Variants in AHDC1 observed in about 807,000 individuals in gnomAD.
The protein encoded by AHDC1 is transcription factor Gibbin.
In AHDC1, 7 loss-of-function variants were observed where a neutral mutation model predicts 87.9. That is an observed-to-expected ratio of 0.08 (90% confidence interval 0.05 to 0.15). The LOEUF (loss-of-function observed/expected upper bound fraction) is 0.15. Ranked by LOEUF, AHDC1 falls within the 10% of genes least tolerant of loss-of-function variation. The pLI is 1.00. For synonymous variants in AHDC1, 1,051 were observed against 1,006.8 expected (o/e 1.04, Z -0.83); for missense variants, 1,841 against 2,253.2 (o/e 0.82, Z 3.70).
chr1:27,551,300 C>A lies in AHDC1; in HGVS notation c.816G>T (p.Glu272Asp). 6.2e-7 allele frequency: 1 copy of A among 1,611,638 alleles called. No individual in the cohort carries two copies. The highest frequency in any genetic ancestry group is 1.1e-5 in the South Asian group (1 of 91,010). Residue 272 changes from glutamate (E) to aspartate (D), a missense_variant, in exon 8 of 9, where the codon GAG becomes GAT. By Grantham distance (45) the Glu-to-Asp change is conservative. Around this residue, in one of 13 missense-constraint regions of AHDC1, gnomAD observed 370 missense variants for 391.5 expected, o/e 0.95. Transcript: ENST00000673934. The part of the protein sequence containing the change: ...QALEPPSPEP[E>D]PQLLDPQPRF... ...GGGGCTGGGGGTCCAGGAGCTGAGGCTCCGGCTCGGGCGATGGTGGCTCGA... is the reference window on the plus strand; with the variant it reads ...GGGGCTGGGGGTCCAGGAGCTGAGGATCCGGCTCGGGCGATGGTGGCTCGA...
At chr1:27,591,735 T>C (rs2089228958) in intron 3 of AHDC1, among the ~76,000 whole-genome samples, 1 of 152,230 alleles carries the variant, frequency 6.6e-6, no homozygotes, top group Admixed American at 6.5e-5. Flanking sequence ...ATGCCCTAGC[T>C]GCACCAGTAA....
In AHDC1 at chr1:27,550,238, G is replaced by A. The variant is rs1456166256; in HGVS notation, c.1878C>T (p.Ser626=). Residue 626 remains serine, a synonymous_variant, in exon 8 of 9, where the codon AGC becomes AGT. Coordinates refer to ENST00000673934, the MANE Select transcript of AHDC1 (RefSeq NM_001371928.1). Reference sequence around the variant, plus strand: ...GCGGTGAGCACCGTCCAGCGCACTGGCTCTGGCGGTTCAGGAAGGCCAGCT... The same window carrying A: ...GCGGTGAGCACCGTCCAGCGCACTGACTCTGGCGGTTCAGGAAGGCCAGCT... ...LAKLAFLNRQ[S]QCAGRCSPPR... The A allele has an allele frequency of 1.5e-5, 25 of 1,613,658 alleles. No individual in the cohort carries two copies. The highest frequency in any genetic ancestry group is 2.0e-5 in the Non-Finnish European group (24 of 1,179,992).
Position 27,551,194 on chromosome 1 carries a change from C to T in AHDC1, c.922G>A (p.Gly308Arg). 6.2e-7 allele frequency: 1 copy of T among 1,610,344 alleles called. No homozygotes were observed. Among genetic ancestry groups the T allele is most frequent in the Non-Finnish European group, 8.5e-7 (1 of 1,179,428 alleles). Residue 308 changes from glycine (G) to arginine (R), a missense_variant, in exon 8 of 9, where the codon GGG becomes AGG. Transcript: ENST00000673934. ...PPLQPLADPLGLPGLALQALD... is the reference protein window; with the variant it reads ...PPLQPLADPLRLPGLALQALD... ...GCCTGGAGAGCCAGGCCCGGCAGCC[C>T]CAGAGGATCAGCAAGAGGTTGCAGG...
At position 27,551,962 on chromosome 1, in the gene AHDC1, A is replaced by G; in HGVS notation, c.154T>C (p.Phe52Leu). ...TTCTCGGAGAAGGCGTGGGTGGAGA[A>G]GGCCTTGTCAGGTGGGCTGGCAGGG... is the stretch of plus-strand genomic sequence containing the variant. Reference protein sequence around the residue: ...RPPASPPDKAFSTHAFSENPR... With the variant: ...RPPASPPDKALSTHAFSENPR... Residue 52 changes from phenylalanine (F) to leucine (L), a missense_variant, in exon 8 of 9, where the codon TTC becomes CTC. By Grantham distance (22) the Phe-to-Leu change is conservative. Coordinates refer to ENST00000673934, the MANE Select transcript of AHDC1 (RefSeq NM_001371928.1). 1 of 1,123,376 alleles carries G rather than the reference A, an allele frequency of 8.9e-7. No individual in the cohort carries two copies. Among genetic ancestry groups the G allele is most frequent in the Non-Finnish European group, 1.1e-6 (1 of 902,882 alleles). The allele number at this position is 1,123,376 out of a possible 1,614,324, so 69.6% of individuals were successfully genotyped here.
At chr1:27,538,551 A>G (rs1024601316) in intron 8 of AHDC1, among the ~76,000 whole-genome samples, 8 of 150,110 alleles carry the variant, frequency 5.3e-5, no homozygotes, top group African/African-American at 1.7e-4. Flanking sequence ...TTCTCACTCT[A>G]TCACCCAGGC....
chr1:27,559,869 T>C (rs1287702102), intron 3 of AHDC1, among the ~76,000 whole-genome samples: 4 of 152,342 alleles, frequency 2.6e-5, no homozygotes, highest in Admixed American at 1.3e-4. Flanking sequence ...TTATAGGTTC[T>C]GGTTGCCTGG....
rs575850241 is a variant in AHDC1 at position 27,550,575 on chromosome 1, G to A, written c.1541C>T (p.Ser514Leu). 1.5e-5 allele frequency: 24 copies of A among 1,613,676 alleles called. No individual in the cohort carries two copies. The East Asian group carries it at 2.2e-4, about 15-fold the overall frequency. The change falls in exon 8 of 9, where the codon TCG becomes TTG. Residue 514 changes from serine (S) to leucine (L), a missense_variant. By Grantham distance (145) the Ser-to-Leu change is moderately radical. Around this residue, in one of 13 missense-constraint regions of AHDC1, gnomAD observed 18 missense variants for 18.0 expected, o/e 1.00. Coordinates refer to ENST00000673934, the MANE Select transcript of AHDC1 (RefSeq NM_001371928.1). ...CTTCAGCAGCGGGGTGGGCTCAGCC[G>A]ACACGCGCAGGCCCAGCTCCTTGCC... ...VEGKELGLRV[S>L]AEPTPLLKMK... is the part of the protein sequence containing the mutation.
At chr1:27,599,944 C>T (rs908636455) in intron 3 of AHDC1, among the ~76,000 whole-genome samples, 2 of 151,982 alleles carry the variant, frequency 1.3e-5, no homozygotes, top group Non-Finnish European at 2.9e-5. Context: ...ATCTGCTTGT[C>T]TCTCCTCCAA....
chr1:27,595,878 G>C lies in AHDC1; in HGVS notation c.-629+7519C>G, dbSNP rs1004577946. ...TGTGCATGTGAGGTAGCTGGATGTC[G>C]GGGGGTATCTGTATGTAGAGTGTGT... On this transcript the variant is annotated intron_variant, in intron 3 of 8. Transcript: ENST00000673934. The surrounding 1 kb of genome is among the most constrained non-coding windows in gnomAD (Gnocchi z 4.0). Among the ~76,000 whole-genome samples the C allele has an allele frequency of 6.6e-6, 1 of 151,644 alleles. No individual in the cohort carries two copies. The highest frequency in any genetic ancestry group is 1.5e-5 in the Non-Finnish European group (1 of 67,926).
At chr1:27,586,234 ACAGT>A (rs1445477662) in intron 3 of AHDC1, among the ~76,000 whole-genome samples, 1 of 152,158 alleles carries the variant, frequency 6.6e-6, no homozygotes, top group Admixed American at 6.5e-5. Context: ...CCTCATTGCC[ACAGT>A]CACTACTTCC....
chr1:27,550,114 G>A lies in AHDC1; in HGVS notation c.2002C>T (p.Arg668Cys), dbSNP rs373593889. Reference sequence around the variant, plus strand: ...CCAAAACCGCCTGCTTTGCCCCCACGCCGCCGGAAGCCCTGCACACGATGC... The same window carrying A: ...CCAAAACCGCCTGCTTTGCCCCCACACCGCCGGAAGCCCTGCACACGATGC... ...FLHRVQGFRR[R>C]GGKAGGFGGR... The change falls in exon 8 of 9, where the codon CGT (arginine) becomes TGT (cysteine). Residue 668 changes from arginine to cysteine, a missense_variant. Physicochemically the swap from Arg to Cys is radical, Grantham distance 180. Transcript: ENST00000673934. The A allele has an allele frequency of 3.7e-6, 6 of 1,609,942 alleles. No individual in the cohort carries two copies. In the African/African-American group the frequency reaches 4.0e-5, roughly 11 times the overall value.
At chr1:27,543,280 G>A (rs1211169761) in intron 8 of AHDC1, among the ~76,000 whole-genome samples, 1 of 152,202 alleles carries the variant, frequency 6.6e-6, no homozygotes, top group African/African-American at 2.4e-5. Flanking sequence ...GGTCTGATAG[G>A]GTCGATCTTT....
At chr1:27,575,905 G>A (rs1248307461) in intron 3 of AHDC1, among the ~76,000 whole-genome samples, 1 of 148,398 alleles carries the variant, frequency 6.7e-6, no homozygotes, top group Non-Finnish European at 1.5e-5. Flanking sequence ...GGGGGGGCGG[G>A]GTCACGTGGC....
At chr1:27,573,091 G>A (rs2088592924) in intron 3 of AHDC1, among the ~76,000 whole-genome samples, 1 of 152,166 alleles carries the variant, frequency 6.6e-6, no homozygotes, top group Non-Finnish European at 1.5e-5. Context: ...CAGTATCCCT[G>A]AAGGGTGTGT....
rs1332845078 is a variant in AHDC1 at position 27,598,335 on chromosome 1, G to A, written c.-629+5062C>T. On this transcript the variant is annotated intron_variant, in intron 3 of 8. Transcript: ENST00000673934. This position sits in a 1 kb window ranked among gnomAD's most constrained non-coding sequence, Gnocchi z 4.2. ...GCTGGAAGGGGGCTGGAGGGAGGCA[G>A]GGCCTCACTTTACTCTCACTTCACC... Among the ~76,000 whole-genome samples the A allele has an allele frequency of 6.6e-6, 1 of 152,210 alleles. No homozygotes were observed. Among genetic ancestry groups the A allele is most frequent in the Non-Finnish European group, 1.5e-5 (1 of 68,010 alleles).
chr1:27,550,369 C>T lies in AHDC1; in HGVS notation c.1747G>A (p.Glu583Lys). 1.9e-6 allele frequency: 3 copies of T among 1,613,864 alleles called. No homozygotes were observed. Among genetic ancestry groups the T allele is most frequent in the Non-Finnish European group, 2.5e-6 (3 of 1,179,922 alleles). The change falls in exon 8 of 9, where the codon GAG becomes AAG. Residue 583 changes from glutamate (E) to lysine (K), a missense_variant. This residue lies in a region of AHDC1 where 84 missense variants were observed against 111.7 expected (regional missense o/e 0.75). Transcript: ENST00000673934. ...TTCCGCCGCCGTCGTTTTTTTACCTCTGGCATGGCCATGGTGGCCGCTGCC... is the reference window on the plus strand; with the variant it reads ...TTCCGCCGCCGTCGTTTTTTTACCTTTGGCATGGCCATGGTGGCCGCTGCC... ...TVAAATMAMPEVKKRRRRKQK... is the reference protein window; with the variant it reads ...TVAAATMAMPKVKKRRRRKQK...
At chr1:27,557,289 C>T (rs1335253578) in intron 5 of AHDC1, among the ~76,000 whole-genome samples, 2 of 151,228 alleles carry the variant, frequency 1.3e-5, no homozygotes, top group Non-Finnish European at 3.0e-5. Context: ...TGCCCTTGGC[C>T]CTTCCAGACT....
chr1:27,571,257 G>A (rs1432927135), intron 3 of AHDC1, among the ~76,000 whole-genome samples: 2 of 152,168 alleles, frequency 1.3e-5, no homozygotes, highest in African/African-American at 4.8e-5. Context: ...AAATAGTCAT[G>A]AGCTAGTGCT....
At position 27,549,337 on chromosome 1, in the gene AHDC1, C is replaced by G. The variant is rs2148274612; in HGVS notation, c.2779G>C (p.Ala927Pro). 6.2e-7 allele frequency: 1 copy of G among 1,611,350 alleles called. No homozygotes were observed. Among genetic ancestry groups the G allele is most frequent in the Non-Finnish European group, 8.5e-7 (1 of 1,178,368 alleles). ...ARQTFPPGRA[A>P]SYGLTPAASD... is the part of the protein sequence containing the mutation. ...GCGGCTGGAGTTAGCCCATAGCTTG[C>G]TGCTCGTCCTGGTGGGAAGGTCTGG... Residue 927 changes from alanine to proline, a missense_variant, in exon 8 of 9, where the codon GCA becomes CCA. This residue lies in a region of AHDC1 where 378 missense variants were observed against 399.0 expected (regional missense o/e 0.95). Transcript: ENST00000673934.
Sources: gnomAD v4.1 joint callset for allele counts (sites outside exome capture counted in the v4.1 genomes callset) on GRCh38, gnomAD v4.1.1 for gene constraint, gnomAD v4.1.1 regional missense constraint, Gnocchi (gnomAD v3.1) non-coding constraint, MANE v1.5 for transcripts, NCBI Gene and HGNC (gene_info 2026-07-23, HGNC 2026-07-21) for gene names.